The following FAM167A variants were observed in gnomAD, a reference collection of about 807,000 sequenced individuals.
The protein encoded by FAM167A is protein FAM167A.
FAM167A carries 23 observed loss-of-function variants against 14.9 expected under a neutral mutation model. The observed-to-expected ratio is 1.55, with a 90% CI of 1.11 to 2.19. The LOEUF (loss-of-function observed/expected upper bound fraction) is 2.19. Ranked by LOEUF, FAM167A falls within the 30% of genes most tolerant of loss-of-function variation. The pLI, the probability that FAM167A is intolerant of heterozygous loss-of-function variation, is 0.00. For missense variants in FAM167A, 401 were observed against 281.5 expected (o/e 1.42, Z -3.04); for synonymous variants, 174 against 117.7 (o/e 1.48, Z -3.10).
intron 2 of FAM167A, among the ~76,000 whole-genome samples, chr8:11,428,774 C>G (rs942705690): frequency 6.6e-6 from 1 of 152,184 alleles, no homozygotes; most frequent in African/African-American, 2.4e-5. Context: ...CTCGGCTGCT[C>G]CCTGGGCCAC....
upstream of FAM167A, among the ~76,000 whole-genome samples, chr8:11,468,410 G>C (rs1382228922): frequency 2.6e-5 from 4 of 152,232 alleles, no homozygotes; most frequent in African/African-American, 9.6e-5. Context: ...GGTTACAGGT[G>C]CTGGCAGCCC....
chr8:11,461,473 G>T lies in FAM167A; in HGVS notation c.-398+5153C>A, dbSNP rs565726268. ...GGCAGTGGGGATTAGAGGGCAGAAA[G>T]TAGACACAGAGTGGCCTTTAAAGCA... On this transcript the variant is annotated intron_variant, in intron 1 of 2. Coordinates refer to ENST00000284486, the MANE Select transcript of FAM167A (RefSeq NM_053279.3). 3.3e-5 allele frequency among the ~76,000 whole-genome samples: 5 copies of T among 152,384 alleles called. No individual in the cohort carries two copies. The East Asian group carries it at 9.6e-4, about 29-fold the overall frequency.
intron 1 of FAM167A, among the ~76,000 whole-genome samples, chr8:11,450,695 A>G (rs1461306269): frequency 6.6e-6 from 1 of 152,232 alleles, no homozygotes; most frequent in Non-Finnish European, 1.5e-5. Context: ...AATGCTGTGG[A>G]ATGAATGAGC....
intron 2 of FAM167A, among the ~76,000 whole-genome samples, chr8:11,440,598 G>C (rs1318809910): frequency 6.6e-6 from 1 of 152,228 alleles, no homozygotes; most frequent in South Asian, 2.1e-4. Context: ...TCCTGGGAGA[G>C]CTGCTAGGTG....
chr8:11,457,178 C>T (rs950094173), intron 1 of FAM167A, among the ~76,000 whole-genome samples: 3 of 151,594 alleles, frequency 2.0e-5, no homozygotes, highest in South Asian at 2.1e-4. Context: ...GGACAGCGCT[C>T]CTGGGGTTTT....
Position 11,422,740 on chromosome 8 carries a change from G to A in FAM167A, c.*1633C>T, listed in dbSNP as rs1804844801. ...CTCCCCTATGTGGGTCACGATGTGT[G>A]GGTGGACACGGGCCCCACTGAGATT... On this transcript the variant is annotated 3_prime_UTR_variant, in exon 3 of 3. Coordinates refer to ENST00000284486, the MANE Select transcript of FAM167A (RefSeq NM_053279.3). 6.6e-6 allele frequency: 1 copy of A among 152,130 alleles called. No individual in the cohort carries two copies. The highest frequency in any genetic ancestry group is 6.5e-5 in the Admixed American group (1 of 15,270). The allele number at this position is 152,130 out of a possible 1,614,324, so 9.4% of individuals were successfully genotyped here. A position where few individuals can be genotyped will look rare whatever the true frequency, so the allele number is the denominator to read the frequency against.
At chr8:11,475,831 C>T (rs1171734435) in intron 1 of FAM167A, among the ~76,000 whole-genome samples, 2 of 152,158 alleles carry the variant, frequency 1.3e-5, no homozygotes, top group African/African-American at 4.8e-5. Context: ...CTGTGTTTCC[C>T]TATCACCTGG....
chr8:11,451,542 G>T (rs1807028434), intron 1 of FAM167A, among the ~76,000 whole-genome samples: 1 of 152,220 alleles, frequency 6.6e-6, no homozygotes, highest in Non-Finnish European at 1.5e-5. Flanking sequence ...TTTCCTGTGT[G>T]GAGGGAGCTC....
At chr8:11,466,018 T>TC (rs1271677715) in intron 1 of FAM167A, among the ~76,000 whole-genome samples, 2 of 149,666 alleles carry the variant, frequency 1.3e-5, no homozygotes. Context: ...GAAGACACCC[T>TC]CCCCCCCGCC....
chr8:11,438,394 G>A (rs972890993), intron 2 of FAM167A: 8 of 451,184 alleles, frequency 1.8e-5, no homozygotes, highest in South Asian at 1.3e-4. Context: ...ACTTTTATTT[G>A]AATGTTGGGA....
chr8:11,463,356 A>C (rs1012110717), intron 1 of FAM167A, among the ~76,000 whole-genome samples: 1 of 152,164 alleles, frequency 6.6e-6, no homozygotes, highest in Non-Finnish European at 1.5e-5. Flanking sequence ...GTCACTTTCA[A>C]CTTGATGGTG....
chr8:11,473,967 G>T (rs1249760996), intron 1 of FAM167A, among the ~76,000 whole-genome samples: 3 of 152,010 alleles, frequency 2.0e-5, no homozygotes, highest in African/African-American at 7.3e-5. Context: ...TTTGCCTCCT[G>T]GGTTCAAGCG....
chr8:11,443,264 C>G (rs577739907), intron 2 of FAM167A, among the ~76,000 whole-genome samples: 13 of 152,348 alleles, frequency 8.5e-5, no homozygotes, highest in East Asian at 5.8e-4. Context: ...TCTGCCCCCC[C>G]ACCCTGTTCT....
At chr8:11,474,390 G>A (rs563139686) in intron 1 of FAM167A, among the ~76,000 whole-genome samples, 7 of 152,312 alleles carry the variant, frequency 4.6e-5, no homozygotes, top group East Asian at 3.9e-4. Flanking sequence ...ACAGGACGGC[G>A]CATGGAACAG....
chr8:11,441,053 G>A (rs967309862), intron 2 of FAM167A, among the ~76,000 whole-genome samples: 3 of 152,186 alleles, frequency 2.0e-5, no homozygotes, highest in Non-Finnish European at 4.4e-5. Context: ...GGAACTGCAC[G>A]TCCAGCCTGC....
chr8:11,452,622 G>T (rs1807070722), intron 1 of FAM167A, among the ~76,000 whole-genome samples: 1 of 152,200 alleles, frequency 6.6e-6, no homozygotes, highest in Admixed American at 6.5e-5. Flanking sequence ...CCTCGGGTCT[G>T]TTTCTGCAGC....
In FAM167A at chr8:11,455,121, C is replaced by A. The variant is rs1585271796; in HGVS notation, c.-397-10313G>T. ...TGCTGCACGTGGCAGGGATGGGTTG[C>A]TGGGATATGTGTGTGTGCGTGTGTG... On this transcript the variant is annotated intron_variant, in intron 1 of 2. Transcript: ENST00000284486. Among the ~76,000 whole-genome samples, 3 of 151,362 alleles carry A rather than the reference C, an allele frequency of 2.0e-5. 1 individual carries two copies. In the East Asian group the frequency reaches 5.8e-4, roughly 29 times the overall value.
chr8:11,459,371 G>A (rs944830255), intron 1 of FAM167A, among the ~76,000 whole-genome samples: 4 of 152,240 alleles, frequency 2.6e-5, no homozygotes, highest in Non-Finnish European at 4.4e-5. Context: ...AGAAGTAACA[G>A]GCATGTGAGC....
Position 11,459,834 on chromosome 8 carries a change from G to A in FAM167A, c.-398+6792C>T, listed in dbSNP as rs577194538. ...AGGTTCAAGTGATTCTCCTGCCTCA[G>A]CCTCCTGAGTAGCTGGGATTACAGG... On this transcript the variant is annotated intron_variant, in intron 1 of 2. Coordinates refer to ENST00000284486, the MANE Select transcript of FAM167A (RefSeq NM_053279.3). 3.2e-4 allele frequency among the ~76,000 whole-genome samples: 48 copies of A among 152,300 alleles called. No individual in the cohort carries two copies. The South Asian group carries it at 9.9e-3, about 32-fold the overall frequency.
Sources: gnomAD v4.1 joint callset for allele counts (sites outside exome capture counted in the v4.1 genomes callset) on GRCh38, gnomAD v4.1.1 for gene constraint, MANE v1.5 for transcripts, NCBI Gene and HGNC (gene_info 2026-07-23, HGNC 2026-07-21) for gene names.